Variants in MAPK8 observed in about 807,000 individuals in gnomAD.
MAPK8 encodes the protein JUN N-terminal kinase.
A neutral mutation model predicts 52.9 loss-of-function variants in MAPK8; 13 were observed. The observed-to-expected ratio is 0.25, with a 90% CI of 0.16 to 0.39. The LOEUF (loss-of-function observed/expected upper bound fraction) is 0.39. Ranked by LOEUF, MAPK8 falls within the 10% of genes least tolerant of loss-of-function variation. MAPK8 has a pLI of 1.00. For synonymous variants in MAPK8, 191 were observed against 169.8 expected (o/e 1.12, Z -0.97); for missense variants, 300 against 519.2 (o/e 0.58, Z 4.10).
At chr10:48,324,495 GTTT>G (rs893939714) in intron 1 of MAPK8, among the ~76,000 whole-genome samples, 3 of 68,806 alleles carry the variant, frequency 4.4e-5, no homozygotes, top group African/African-American at 3.0e-4. Context: ...CAGTTGTCCT[GTTT>G]TCTAGTTTTT....
At chr10:48,381,797 C>G (rs1246731254) in intron 1 of MAPK8, among the ~76,000 whole-genome samples, 1 of 152,100 alleles carries the variant, frequency 6.6e-6, no homozygotes, top group Non-Finnish European at 1.5e-5. Context: ...TTATCTATTA[C>G]TTTATTAAAC....
chr10:48,406,536 A>G (rs1452804502), intron 3 of MAPK8, among the ~76,000 whole-genome samples: 1 of 152,236 alleles, frequency 6.6e-6, no homozygotes, highest in Non-Finnish European at 1.5e-5. Flanking sequence ...CAGAACTCTC[A>G]GCACCTAGAA....
chr10:48,340,855 G>C (rs883604), intron 1 of MAPK8, among the ~76,000 whole-genome samples: 76,530 of 151,988 alleles, frequency 0.5, 19,879 homozygotes, highest in Middle Eastern at 0.72. Flanking sequence ...ACAAATTCTA[G>C]TCACCTTCAC....
chr10:48,438,302 ATC>A lies in MAPK8; in HGVS notation c.*3279_*3280del, dbSNP rs1268152768. 6.6e-6 allele frequency: 1 copy of A among 152,176 alleles called. No individual in the cohort carries two copies. Among genetic ancestry groups the A allele is most frequent in the Non-Finnish European group, 1.5e-5 (1 of 68,038 alleles). 9.4% of individuals were successfully genotyped at this position (152,176 alleles called of 1,614,324 possible). On this transcript the variant is annotated 3_prime_UTR_variant, in exon 12 of 12. Transcript: ENST00000374189. Reference sequence around the variant, plus strand: ...TTTTGTGTGCATTGTGTTTCTACTGATCTCTCTTAGGTTTTTACGGAATCAAA... The same window carrying A: ...TTTTGTGTGCATTGTGTTTCTACTGATCTCTTAGGTTTTTACGGAATCAAA...
At chr10:48,340,041 C>A (rs1368324798) in intron 1 of MAPK8, among the ~76,000 whole-genome samples, 4 of 152,220 alleles carry the variant, frequency 2.6e-5, no homozygotes, top group African/African-American at 9.7e-5. Context: ...CCAGCAGTCT[C>A]ATTACTGGGT....
At chr10:48,366,287 T>C (rs918956809) in intron 1 of MAPK8, among the ~76,000 whole-genome samples, 1 of 152,122 alleles carries the variant, frequency 6.6e-6, no homozygotes, top group Admixed American at 6.5e-5. Context: ...ACCTTTAAAC[T>C]TAACAAAGTT....
chr10:48,348,930 TTTACCAAGCAAATG>T (rs1846039865), intron 1 of MAPK8, among the ~76,000 whole-genome samples: 1 of 141,394 alleles, frequency 7.1e-6, no homozygotes, highest in Non-Finnish European at 1.5e-5. Context: ...TGGAGGAATA[TTTACCAAGCAAATG>T]GAAAGCAAAA....
intron 1 of MAPK8, among the ~76,000 whole-genome samples, chr10:48,331,590 C>A (rs1844156972): frequency 2.0e-5 from 3 of 152,202 alleles, no homozygotes; most frequent in Admixed American, 2.0e-4. Flanking sequence ...GGGACCTTCC[C>A]AGCTTGGGTG....
intron 1 of MAPK8, among the ~76,000 whole-genome samples, chr10:48,313,317 C>T (rs1262165934): frequency 1.3e-5 from 2 of 151,992 alleles, no homozygotes; most frequent in Admixed American, 6.6e-5. Context: ...CCTGTAATCC[C>T]AGCTACTTGG....
intron 1 of MAPK8, among the ~76,000 whole-genome samples, chr10:48,378,594 A>C (rs2040809133): frequency 6.6e-6 from 1 of 152,194 alleles, no homozygotes; most frequent in Non-Finnish European, 1.5e-5. Context: ...GAAATAATTC[A>C]GGATTTAGTC....
At chr10:48,349,929 G>T (rs1248710557) in intron 1 of MAPK8, among the ~76,000 whole-genome samples, 1 of 152,104 alleles carries the variant, frequency 6.6e-6, no homozygotes, top group Non-Finnish European at 1.5e-5. Flanking sequence ...AAATGATAAA[G>T]GTGATATCAC....
At chr10:48,323,588 A>G (rs1312100020) in intron 1 of MAPK8, among the ~76,000 whole-genome samples, 1 of 152,252 alleles carries the variant, frequency 6.6e-6, no homozygotes, top group Admixed American at 6.5e-5. Flanking sequence ...TCATTTATGT[A>G]TGAAAATAAA....
intron 1 of MAPK8, among the ~76,000 whole-genome samples, chr10:48,391,199 G>A (rs1449749976): frequency 6.6e-6 from 1 of 152,116 alleles, no homozygotes; most frequent in Non-Finnish European, 1.5e-5. Context: ...GGTGAGATTT[G>A]AAAGTTAAAG....
chr10:48,431,730 T>TTTC (rs1377122639), intron 11 of MAPK8, among the ~76,000 whole-genome samples: 6 of 152,206 alleles, frequency 3.9e-5, no homozygotes, highest in African/African-American at 1.2e-4. Context: ...GAAAGTATTC[T>TTTC]TTCTCTAAGA....
intron 2 of MAPK8, 89 bp from the exon 3 acceptor site, chr10:48,404,763 A>AGTGAGAAATGTATATG: frequency 1.0e-6 from 1 of 977,856 alleles, no homozygotes; most frequent in Admixed American, 2.4e-5. Context: ...CTTTGGAGAA[A>AGTGAGAAATGTATATG]GTGAGAAATG....
At position 48,425,619 on chromosome 10, in the gene MAPK8, T is replaced by C. The variant is rs544083700; in HGVS notation, c.689-269T>C. Reference sequence around the variant, plus strand: ...GTCATTATTCTTAGTTGCTTATCATTTTATTTAGAATTTGTGAGTTTAAGC... The same window carrying C: ...GTCATTATTCTTAGTTGCTTATCATCTTATTTAGAATTTGTGAGTTTAAGC... On this transcript the variant is annotated intron_variant, in intron 7 of 11. Transcript: ENST00000374189. The C allele has an allele frequency of 2.2e-4, 75 of 345,536 alleles. 1 individual carries two copies. In the South Asian group the frequency reaches 7.2e-3, roughly 33 times the overall value. 21.4% of individuals were successfully genotyped at this position (345,536 alleles called of 1,614,324 possible).
At chr10:48,336,824 G>A (rs1213186559) in intron 1 of MAPK8, among the ~76,000 whole-genome samples, 5 of 152,122 alleles carry the variant, frequency 3.3e-5, no homozygotes, top group African/African-American at 7.2e-5. Context: ...TAAAGAGAAG[G>A]TGTTGCTATT....
At chr10:48,394,496 G>A (rs1477664648) in intron 1 of MAPK8, among the ~76,000 whole-genome samples, 1 of 151,856 alleles carries the variant, frequency 6.6e-6, no homozygotes, top group African/African-American at 2.4e-5. Flanking sequence ...AAAACTATAT[G>A]ATTATTTCAG....
intron 1 of MAPK8, among the ~76,000 whole-genome samples, chr10:48,352,061 A>G (rs1341833074): frequency 6.6e-6 from 1 of 152,236 alleles, no homozygotes; most frequent in Non-Finnish European, 1.5e-5. Context: ...AAATAAACTA[A>G]GTTTTCAGAA....
Sources: allele counts gnomAD v4.1 joint callset (sites outside exome capture counted in the v4.1 genomes callset), GRCh38; gene constraint gnomAD v4.1.1; transcripts MANE v1.5; gene names NCBI Gene and HGNC (gene_info 2026-07-23, HGNC 2026-07-21).